The following PTPRA variants were observed in gnomAD, a reference collection of about 807,000 sequenced individuals.
The protein encoded by PTPRA is receptor-type tyrosine-protein phosphatase alpha.
A neutral mutation model predicts 104.8 loss-of-function variants in PTPRA; 25 were observed. The ratio of observed to expected loss-of-function variants is 0.24; its 90% CI spans 0.17 to 0.33. PTPRA has a LOEUF of 0.33. PTPRA is among the 10% of genes least tolerant of loss of function. The pLI is 1.00. For missense variants in PTPRA, 765 were observed against 1,015.3 expected (o/e 0.75, Z 3.35); for synonymous variants, 323 against 368.9 (o/e 0.88, Z 1.43).
intron 11 of PTPRA, among the ~76,000 whole-genome samples, chr20:3,007,850 A>G (rs1179324659): frequency 1.3e-5 from 2 of 152,114 alleles, no homozygotes; most frequent in African/African-American, 4.8e-5. Flanking sequence ...ATATATATAT[A>G]TATATGACTA....
upstream of PTPRA, among the ~76,000 whole-genome samples, chr20:2,868,737 A>T (rs185730634): frequency 1.4e-5 from 2 of 146,814 alleles, no homozygotes; most frequent in Non-Finnish European, 3.0e-5. Flanking sequence ...CGAGTTCTCA[A>T]TGAAAAAGGA....
In PTPRA at chr20:3,024,551, A is replaced by G. The variant is rs1243121439; in HGVS notation, c.1544A>G (p.Glu515Gly). The change falls in exon 17 of 24, where the codon GAA becomes GGA. Residue 515 changes from glutamate (E) to glycine (G), a missense_variant. Transcript: ENST00000399903. Reference sequence around the variant, plus strand: ...ACAGAACTGGAAGTGACCTCTCTAGAAACCCACCTGCAGAAAATTTACAAC... The same window carrying G: ...ACAGAACTGGAAGTGACCTCTCTAGGAACCCACCTGCAGAAAATTTACAAC... The part of the protein sequence containing the change: ...GDTELEVTSL[E>G]THLQKIYNKI... 2.5e-6 allele frequency: 4 copies of G among 1,614,138 alleles called. No homozygotes were observed. The South Asian group carries it at 4.4e-5, about 18-fold the overall frequency.
intron 1 of PTPRA, among the ~76,000 whole-genome samples, chr20:2,921,520 A>G (rs2060096385): frequency 1.3e-5 from 2 of 152,092 alleles, no homozygotes; most frequent in Admixed American, 6.6e-5. Context: ...AATACTGGAT[A>G]GTACAAAAGT....
In PTPRA at chr20:2,964,919, A is replaced by C; in HGVS notation, c.132A>C (p.Lys44Asn). 6.2e-7 allele frequency: 1 copy of C among 1,614,174 alleles called. No homozygotes were observed. The highest frequency in any genetic ancestry group is 1.3e-5 in the African/African-American group (1 of 75,060). ...LINSSTAEPV[K>N]EEAKTSNPTS... ...ACTCATCAACGGCAGAACCAGTTAA[A>C]GAAGAGGCCAAAACTTCAAATCCAA... Residue 44 changes from lysine to asparagine, a missense_variant, in exon 5 of 24, where the codon AAA (lysine) becomes AAC (asparagine). Lys to Asn is a moderately conservative substitution (Grantham distance 94). Coordinates refer to ENST00000399903, the MANE Select transcript of PTPRA (RefSeq NM_001385305.1).
chr20:2,957,068 G>A (rs1171729461), intron 3 of PTPRA, among the ~76,000 whole-genome samples: 3 of 152,086 alleles, frequency 2.0e-5, no homozygotes, highest in African/African-American at 4.8e-5. Flanking sequence ...GGCAGATCAC[G>A]GGGTCAGGAG....
intron 2 of PTPRA, among the ~76,000 whole-genome samples, chr20:2,935,330 T>G (rs930810883): frequency 6.6e-6 from 1 of 152,240 alleles, no homozygotes; most frequent in Admixed American, 6.5e-5. Context: ...ATTTATTCTT[T>G]TTTTAAGGCT....
At chr20:2,924,295 A>T (rs1052910310) in intron 2 of PTPRA, among the ~76,000 whole-genome samples, 4 of 152,098 alleles carry the variant, frequency 2.6e-5, no homozygotes. Flanking sequence ...CCAGCTACTC[A>T]GGAGGCTAAG....
chr20:2,958,472 G>T (rs2061616351), intron 3 of PTPRA, among the ~76,000 whole-genome samples: 1 of 151,904 alleles, frequency 6.6e-6, no homozygotes, highest in African/African-American at 2.4e-5. Context: ...AGGAAACTGA[G>T]CCACTTACAG....
intron 11 of PTPRA, among the ~76,000 whole-genome samples, chr20:3,009,271 A>C (rs2064039639): frequency 7.6e-6 from 1 of 132,358 alleles, no homozygotes; most frequent in Non-Finnish European, 1.7e-5. Context: ...GGGGGTGCTG[A>C]GTTGTGTGAT....
intron 1 of PTPRA, among the ~76,000 whole-genome samples, chr20:2,893,069 G>A (rs779230127): frequency 6.6e-6 from 1 of 152,198 alleles, no homozygotes; most frequent in African/African-American, 2.4e-5. Context: ...CTCTTGAAAG[G>A]TTTGGTTTTT....
chr20:2,931,302 A>G (rs1300711462), intron 2 of PTPRA, among the ~76,000 whole-genome samples: 1 of 152,188 alleles, frequency 6.6e-6, no homozygotes, highest in Non-Finnish European at 1.5e-5. Flanking sequence ...GGGAAAAGAG[A>G]CATTTCGAAA....
Position 3,035,989 on chromosome 20 carries a change from C to A in PTPRA, c.2198+48C>A. 3 of 1,610,240 alleles carry A rather than the reference C, an allele frequency of 1.9e-6. No homozygotes were observed. Among genetic ancestry groups the A allele is most frequent in the Non-Finnish European group, 2.5e-6 (3 of 1,178,604 alleles). On this transcript the variant is annotated intron_variant, in intron 22 of 23. Transcript: ENST00000399903. The surrounding 1 kb of genome is among the most constrained non-coding windows in gnomAD (Gnocchi z 5.8). ...GCGGGAGAGAGAAAGCGAGGAGGGG[C>A]AGATAGGGGAAGCTGATGACCATGG...
rs1254660134 is a variant in PTPRA, at chr20:2,906,171, TAAA to T, written c.-128-17035_-128-17033del. Among the ~76,000 whole-genome samples the T allele has an allele frequency of 4.6e-5, 7 of 152,240 alleles. No individual in the cohort carries two copies. The South Asian group carries it at 6.2e-4, about 14-fold the overall frequency. On this transcript the variant is annotated intron_variant, in intron 1 of 23. Transcript: ENST00000399903. Reference sequence around the variant, plus strand: ...AAACATTAATTAGTAGAAATGTACTTAAAGAAGAGGCCTTGGTTTTTTACCGTA... The same window carrying T: ...AAACATTAATTAGTAGAAATGTACTTGAAGAGGCCTTGGTTTTTTACCGTA...
At chr20:2,913,425 A>G (rs2059792553) in intron 1 of PTPRA, among the ~76,000 whole-genome samples, 1 of 152,136 alleles carries the variant, frequency 6.6e-6, no homozygotes, top group African/African-American at 2.4e-5. Flanking sequence ...GTACAGTACT[A>G]CCAGCTTATC....
At position 2,950,818 on chromosome 20, in the gene PTPRA, A is replaced by T. The variant is rs976744463; in HGVS notation, c.-7+2794A>T. ...AAACAACTTTATAATTGATGTAACA[A>T]TAACCTGTACACATTTAAAGTGTAA... On this transcript the variant is annotated intron_variant, in intron 3 of 23. Transcript: ENST00000399903. The surrounding 1 kb of genome is among the most constrained non-coding windows in gnomAD (Gnocchi z 4.0). Among the ~76,000 whole-genome samples the T allele has an allele frequency of 6.6e-6, 1 of 152,160 alleles. No individual in the cohort carries two copies. The highest frequency in any genetic ancestry group is 1.5e-5 in the Non-Finnish European group (1 of 68,020).
chr20:3,027,050 G>A (rs893555105), intron 18 of PTPRA, 71 bp from the exon 19 acceptor site: 1 of 1,515,130 alleles, frequency 6.6e-7, no homozygotes, highest in African/African-American at 1.4e-5. Flanking sequence ...AGGGCCTGAG[G>A]TGGGAGCAAT....
chr20:2,905,775 C>T (rs1397023654), intron 1 of PTPRA, among the ~76,000 whole-genome samples: 1 of 149,154 alleles, frequency 6.7e-6, no homozygotes, highest in Non-Finnish European at 1.5e-5. Flanking sequence ...ACCTCTGCCT[C>T]CTGGGTTCAA....
chr20:3,031,371 C>G (rs1416086801), intron 20 of PTPRA, among the ~76,000 whole-genome samples: 1 of 151,786 alleles, frequency 6.6e-6, no homozygotes, highest in African/African-American at 2.4e-5. Flanking sequence ...AAACTCCAGT[C>G]CCCAGCTTTT....
chr20:3,013,419 ATTTTTT>A (rs11475407), intron 11 of PTPRA, among the ~76,000 whole-genome samples: 3 of 144,820 alleles, frequency 2.1e-5, no homozygotes. Flanking sequence ...AATATATAGG[ATTTTTT>A]TTTTTTTTTG....
Sources: allele counts gnomAD v4.1 joint callset (sites outside exome capture counted in the v4.1 genomes callset), GRCh38; gene constraint gnomAD v4.1.1; non-coding constraint Gnocchi (gnomAD v3.1); transcripts MANE v1.5; gene names NCBI Gene and HGNC (gene_info 2026-07-23, HGNC 2026-07-21).